Variants in APBA2 observed in about 807,000 individuals in gnomAD.
The protein encoded by APBA2 is amyloid beta precursor protein binding family A member 2.
In APBA2, 30 loss-of-function variants were observed where a neutral mutation model predicts 75.0. That is an observed-to-expected ratio of 0.40 (90% CI 0.30 to 0.54). The LOEUF is 0.54. Ranked by LOEUF, APBA2 falls within the 20% of genes least tolerant of loss-of-function variation. The probability of loss-of-function intolerance (pLI) is 0.49; values close to 1 mark genes in which losing one functional copy is unlikely to be tolerated. For synonymous variants in APBA2, 444 were observed against 409.6 expected (o/e 1.08, Z -1.01); for missense variants, 801 against 1,016.1 (o/e 0.79, Z 2.88).
In APBA2 at chr15:29,094,622, T is replaced by C. The variant is rs112176662; in HGVS notation, c.1251+309T>C. On this transcript the variant is annotated intron_variant, in intron 8 of 14. Transcript: ENST00000683413. Reference sequence around the variant, plus strand: ...TTAAATTGATATGACATTTAGTTGATATGACAACGTGGTGGGTGTAGGGTC... The same window carrying C: ...TTAAATTGATATGACATTTAGTTGACATGACAACGTGGTGGGTGTAGGGTC... Among the ~76,000 whole-genome samples the C allele has an allele frequency of 6.5e-3, 992 of 152,384 alleles. 12 individuals carry two copies. The highest frequency in any genetic ancestry group is 0.022 in the African/African-American group (931 of 41,584).
intron 2 of APBA2, among the ~76,000 whole-genome samples, chr15:28,940,356 C>CAAAAA (rs398043111): frequency 3.7e-3 from 142 of 38,458 alleles, no homozygotes; most frequent in East Asian, 9.5e-3. Context: ...ACTAAAAATA[C>CAAAAA]AAAAAAAAAA....
chr15:28,924,918 C>T lies in APBA2; in HGVS notation c.-95+3169C>T, dbSNP rs1164028409. On this transcript the variant is annotated intron_variant, in intron 2 of 14. Transcript: ENST00000683413. ...TCATTTTCCCCCATCCTAGCCAACA[C>T]TTGTTAGTTTCTGTTTTTTGTTTCT... Among the ~76,000 whole-genome samples the T allele has an allele frequency of 1.1e-4, 17 of 152,248 alleles. No homozygotes were observed. In the East Asian group the frequency reaches 3.3e-3, roughly 29 times the overall value.
chr15:29,065,870 C>T (rs908449425), intron 4 of APBA2, among the ~76,000 whole-genome samples: 9 of 152,198 alleles, frequency 5.9e-5, no homozygotes, highest in Middle Eastern at 3.2e-3. Flanking sequence ...GTCTGTCCCA[C>T]GGGTGGCCTG....
At chr15:28,901,774 G>C (rs2032868383) in intron 1 of APBA2, among the ~76,000 whole-genome samples, 1 of 152,138 alleles carries the variant, frequency 6.6e-6, no homozygotes, top group African/African-American at 2.4e-5. Context: ...CTGCTGCCTG[G>C]CCACCCTGCG....
At chr15:29,033,773 A>G (rs1213094744) in intron 3 of APBA2, among the ~76,000 whole-genome samples, 1 of 152,010 alleles carries the variant, frequency 6.6e-6, no homozygotes, top group Non-Finnish European at 1.5e-5. Context: ...ATCCTGGCTA[A>G]TAACGGTGAA....
At chr15:28,942,260 C>T (rs375820304) in intron 2 of APBA2, among the ~76,000 whole-genome samples, 8 of 152,294 alleles carry the variant, frequency 5.3e-5, no homozygotes, top group African/African-American at 1.7e-4. Context: ...CGCGCTCCTT[C>T]CTGCAGCACT....
rs544934651 is a variant in APBA2, at chr15:29,117,834, T to C, written c.*701T>C. The C allele has an allele frequency of 4.2e-4, 63 of 151,156 alleles. No individual in the cohort carries two copies. The highest frequency in any genetic ancestry group is 1.5e-3 in the African/African-American group (62 of 40,496). 9.4% of individuals were successfully genotyped at this position (151,156 alleles called of 1,614,324 possible). On this transcript the variant is annotated 3_prime_UTR_variant, in exon 15 of 15. Coordinates refer to ENST00000683413, the MANE Select transcript of APBA2 (RefSeq NM_001353788.2). Reference sequence around the variant, plus strand: ...GACCACACCTGCCTCTCCCGTCGTCTCTTCTGGGCACCCTCCCACCCGGCT... The same window carrying C: ...GACCACACCTGCCTCTCCCGTCGTCCCTTCTGGGCACCCTCCCACCCGGCT...
At chr15:28,927,971 CCT>C (rs1399530913) in intron 2 of APBA2, among the ~76,000 whole-genome samples, 4 of 150,676 alleles carry the variant, frequency 2.7e-5, no homozygotes, top group Non-Finnish European at 5.9e-5. Context: ...TGGAGAAACC[CCT>C]GTCTCTATTA....
intron 13 of APBA2, among the ~76,000 whole-genome samples, chr15:29,109,621 C>T (rs1296126072): frequency 1.3e-5 from 2 of 152,158 alleles, no homozygotes; most frequent in African/African-American, 2.4e-5. Context: ...TCATTTCTGC[C>T]CACAGCCCAC....
At chr15:28,988,101 C>T (rs1381030692) in intron 2 of APBA2, among the ~76,000 whole-genome samples, 5 of 152,120 alleles carry the variant, frequency 3.3e-5, no homozygotes, top group Non-Finnish European at 4.4e-5. Flanking sequence ...CAGCTAGAGC[C>T]CCTCCCCAGT....
intron 3 of APBA2, among the ~76,000 whole-genome samples, chr15:29,030,185 C>G (rs1299398004): frequency 6.6e-6 from 1 of 152,166 alleles, no homozygotes; most frequent in Non-Finnish European, 1.5e-5. Context: ...CATGACCGGG[C>G]CCGGTGGCTC....
intron 3 of APBA2, among the ~76,000 whole-genome samples, chr15:29,009,972 A>T (rs561061457): frequency 3.9e-5 from 6 of 152,170 alleles, no homozygotes; most frequent in Admixed American, 6.5e-5. Flanking sequence ...TTTAGTGAAC[A>T]CTGCCAGTCC....
Position 29,092,978 on chromosome 15 carries a change from C to T in APBA2, c.1070-97C>T, listed in dbSNP as rs952645725. 4 of 1,529,176 alleles carry T rather than the reference C, an allele frequency of 2.6e-6. No individual in the cohort carries two copies. The Middle Eastern group carries it at 5.1e-4, about 195-fold the overall frequency. The allele number at this position is 1,529,176 out of a possible 1,614,324, so 94.7% of individuals were successfully genotyped here. A position where few individuals can be genotyped will look rare whatever the true frequency, so the allele number is the denominator to read the frequency against. ...GGGCCCTTCTAGTTTGCCCCGCATC[C>T]TGGCTGCCGTGTTCCTTGTGCTATG... On this transcript the variant is annotated intron_variant, in intron 6 of 14. Coordinates refer to ENST00000683413, the MANE Select transcript of APBA2 (RefSeq NM_001353788.2).
At chr15:29,064,253 T>C (rs2042278880) in intron 4 of APBA2, among the ~76,000 whole-genome samples, 1 of 152,268 alleles carries the variant, frequency 6.6e-6, no homozygotes, top group Non-Finnish European at 1.5e-5. Context: ...GGGCACCTTT[T>C]TTCCAGTTTC....
At chr15:28,998,936 C>T (rs1351854555) in intron 3 of APBA2, among the ~76,000 whole-genome samples, 2 of 152,126 alleles carry the variant, frequency 1.3e-5, no homozygotes, top group Admixed American at 6.5e-5. Flanking sequence ...CACCTGAGGT[C>T]GGGAGTTCGA....
intron 3 of APBA2, among the ~76,000 whole-genome samples, chr15:29,031,687 A>C (rs62007188): frequency 0.033 from 5,025 of 152,296 alleles, 136 homozygotes; most frequent in Middle Eastern, 0.075. Flanking sequence ...TGTGTTTTAC[A>C]GAGTGCTGAT....
At position 28,886,077 on chromosome 15, in the gene APBA2, C is replaced by A. The variant is rs922951788; in HGVS notation, c.-406C>A. ...GCCCCGCAGCCGCGCCGCGTGCGCC[C>A]GGCAGAGGCGGCCCTGCGTGCCGTA... On this transcript the variant is annotated 5_prime_UTR_variant, in exon 1 of 15. Coordinates refer to ENST00000683413, the MANE Select transcript of APBA2 (RefSeq NM_001353788.2). 6.7e-6 allele frequency: 1 copy of A among 149,094 alleles called. No homozygotes were observed. Among genetic ancestry groups the A allele is most frequent in the Admixed American group, 6.7e-5 (1 of 14,988 alleles). The allele number at this position is 149,094 out of a possible 1,614,324, so 9.2% of individuals were successfully genotyped here.
chr15:29,110,645 G>C (rs191081239), intron 13 of APBA2, among the ~76,000 whole-genome samples: 3 of 152,340 alleles, frequency 2.0e-5, no homozygotes, highest in East Asian at 3.9e-4. Context: ...GGAGAAGCTG[G>C]GGCACACAGA....
chr15:28,942,343 G>T (rs2035280389), intron 2 of APBA2, among the ~76,000 whole-genome samples: 1 of 152,202 alleles, frequency 6.6e-6, no homozygotes, highest in East Asian at 1.9e-4. Context: ...TATCTTTGTT[G>T]TCTGGGGTCT....
Sources: allele counts gnomAD v4.1 joint callset (sites outside exome capture counted in the v4.1 genomes callset), GRCh38; gene constraint gnomAD v4.1.1; transcripts MANE v1.5; gene names NCBI Gene and HGNC (gene_info 2026-07-23, HGNC 2026-07-21).